Variants in NELL1 observed in about 807,000 individuals in gnomAD.
NELL1 encodes the protein neural EGFL like 1.
NELL1 carries 76 observed loss-of-function variants against 107.4 expected under a neutral mutation model. The ratio of observed to expected loss-of-function variants is 0.71; its 90% CI spans 0.59 to 0.86. The LOEUF (loss-of-function observed/expected upper bound fraction) is 0.86. NELL1 is among the 40% of genes least tolerant of loss of function. The pLI, the probability that NELL1 is intolerant of heterozygous loss-of-function variation, is 0.00. For synonymous variants in NELL1, 353 were observed against 341.2 expected (o/e 1.03, Z -0.38); for missense variants, 1,024 against 1,005.5 (o/e 1.02, Z -0.25).
intron 14 of NELL1, among the ~76,000 whole-genome samples, chr11:21,275,720 T>G (rs1848840763): frequency 6.6e-6 from 1 of 152,190 alleles, no homozygotes; most frequent in South Asian, 2.1e-4. Flanking sequence ...GTGGGCTTCA[T>G]CTCTGGGATG....
chr11:21,361,482 A>G (rs1851075895), intron 14 of NELL1, among the ~76,000 whole-genome samples: 2 of 151,992 alleles, frequency 1.3e-5, no homozygotes, highest in Admixed American at 6.6e-5. Context: ...TCTTTTTGTG[A>G]TGAATTTTCC....
chr11:21,288,479 AG>A (rs1383332260), intron 14 of NELL1, among the ~76,000 whole-genome samples: 1 of 152,166 alleles, frequency 6.6e-6, no homozygotes, highest in Non-Finnish European at 1.5e-5. Context: ...TTCTCTTTAC[AG>A]ATTTGTTTTG....
chr11:21,211,830 G>T (rs540180028), intron 13 of NELL1, among the ~76,000 whole-genome samples: 158 of 151,936 alleles, frequency 1.0e-3, no homozygotes, highest in South Asian at 4.6e-3. Context: ...TGTTTGTTTG[G>T]TTTTTTTGTT....
intron 15 of NELL1, among the ~76,000 whole-genome samples, chr11:21,378,013 G>A (rs1179544341): frequency 6.6e-6 from 1 of 151,912 alleles, no homozygotes; most frequent in Non-Finnish European, 1.5e-5. Flanking sequence ...TCCATGAAAT[G>A]TAATTAGCAG....
At chr11:21,231,732 T>TATGAGGACA (rs1858055672) in intron 14 of NELL1, among the ~76,000 whole-genome samples, 1 of 152,188 alleles carries the variant, frequency 6.6e-6, no homozygotes. Flanking sequence ...GTTTAAATAA[T>TATGAGGACA]GTTCCTGATG....
chr11:20,782,893 G>GTC (rs764793100), intron 2 of NELL1, among the ~76,000 whole-genome samples: 1 of 152,184 alleles, frequency 6.6e-6, no homozygotes, highest in Non-Finnish European at 1.5e-5. Context: ...AGTGATGGAT[G>GTC]TCTCTTGTTA....
chr11:20,779,206 T>C (rs1856808546), intron 2 of NELL1, among the ~76,000 whole-genome samples: 1 of 152,184 alleles, frequency 6.6e-6, no homozygotes, highest in African/African-American at 2.4e-5. Flanking sequence ...AGAATGGAAA[T>C]GAAATGGATG....
intron 3 of NELL1, among the ~76,000 whole-genome samples, chr11:20,812,197 TA>T (rs1474042762): frequency 6.6e-6 from 1 of 152,226 alleles, no homozygotes; most frequent in Admixed American, 6.5e-5. Context: ...GAGATGATCA[TA>T]TTTTTTTTTC....
chr11:21,533,753 T>C (rs1034598855), intron 15 of NELL1, among the ~76,000 whole-genome samples: 3 of 152,148 alleles, frequency 2.0e-5, no homozygotes, highest in Non-Finnish European at 4.4e-5. Flanking sequence ...TTAAAAGAAA[T>C]AGAACGATAG....
intron 15 of NELL1, among the ~76,000 whole-genome samples, chr11:21,522,834 CTT>C (rs66707466): frequency 5.4e-4 from 37 of 68,426 alleles, no homozygotes; most frequent in Middle Eastern, 0.021. Context: ...TTTTTCTTTT[CTT>C]TTTTTTTTTT....
At position 21,229,410 on chromosome 11, in the gene NELL1, G is replaced by A; in HGVS notation, c.1505G>A (p.Cys502Tyr). The A allele has an allele frequency of 6.2e-7, 1 of 1,613,998 alleles. No homozygotes were observed. Among genetic ancestry groups the A allele is most frequent in the Non-Finnish European group, 8.5e-7 (1 of 1,179,914 alleles). The change falls in exon 14 of 20, where the codon TGC (cysteine) becomes TAC (tyrosine). Residue 502 changes from cysteine (C) to tyrosine (Y), a missense_variant. Physicochemically the swap from Cys to Tyr is radical, Grantham distance 194 (BLOSUM62 -2). Coordinates refer to ENST00000357134, the MANE Select transcript of NELL1 (RefSeq NM_006157.5). Reference protein sequence around the residue: ...ICTNTVQGHSCTCKPGYVGNG... With the variant: ...ICTNTVQGHSYTCKPGYVGNG... ...ACCAACACTGTCCAGGGACACAGCT[G>A]CACCTGCAAACCGGGCTACGTGGGG... is the stretch of plus-strand genomic sequence containing the variant.
chr11:21,344,147 A>G (rs1021141085), intron 14 of NELL1, among the ~76,000 whole-genome samples: 12 of 152,158 alleles, frequency 7.9e-5, no homozygotes, highest in African/African-American at 2.9e-4. Context: ...CGGGTATCCT[A>G]TTGCCCTCAA....
chr11:21,385,614 G>A (rs1195331251), intron 15 of NELL1, among the ~76,000 whole-genome samples: 1 of 151,710 alleles, frequency 6.6e-6, no homozygotes, highest in Non-Finnish European at 1.5e-5. Flanking sequence ...CAAGTCCCCA[G>A]TCTTACTCCT....
chr11:21,132,584 C>T (rs1855647074), intron 13 of NELL1, among the ~76,000 whole-genome samples: 1 of 152,242 alleles, frequency 6.6e-6, no homozygotes, highest in South Asian at 2.1e-4. Flanking sequence ...TGCGGCTGGA[C>T]CAGATGTACC....
intron 15 of NELL1, among the ~76,000 whole-genome samples, chr11:21,412,632 G>A (rs894143319): frequency 2.0e-5 from 3 of 152,070 alleles, no homozygotes; most frequent in Admixed American, 6.6e-5. Context: ...TGTGTCTACG[G>A]AACATGAAGT....
At chr11:20,735,800 A>G (rs889598628) in intron 2 of NELL1, among the ~76,000 whole-genome samples, 1 of 152,156 alleles carries the variant, frequency 6.6e-6, no homozygotes, top group African/African-American at 2.4e-5. Flanking sequence ...CTGAATGCTG[A>G]CTTTGGGTTT....
At chr11:21,051,174 A>C (rs982395323) in intron 12 of NELL1, among the ~76,000 whole-genome samples, 1 of 152,184 alleles carries the variant, frequency 6.6e-6, no homozygotes, top group South Asian at 2.1e-4. Flanking sequence ...AAAATGTGGC[A>C]TACATATACC....
intron 13 of NELL1, among the ~76,000 whole-genome samples, chr11:21,119,712 T>C (rs1345030054): frequency 6.6e-6 from 1 of 152,086 alleles, no homozygotes; most frequent in Non-Finnish European, 1.5e-5. Flanking sequence ...TTTATGAATT[T>C]TGAAACTGGA....
intron 15 of NELL1, among the ~76,000 whole-genome samples, chr11:21,525,821 C>A (rs1244842303): frequency 6.6e-6 from 1 of 152,148 alleles, no homozygotes; most frequent in East Asian, 1.9e-4. Context: ...ACCACAAGAA[C>A]AATATGGTAA....
Sources: gnomAD v4.1 joint callset for allele counts (sites outside exome capture counted in the v4.1 genomes callset) on GRCh38, gnomAD v4.1.1 for gene constraint, MANE v1.5 for transcripts, NCBI Gene and HGNC (gene_info 2026-07-23, HGNC 2026-07-21) for gene names.